Variants in SCHIP1 observed in about 807,000 individuals in gnomAD.
The protein encoded by SCHIP1 is schwannomin interacting protein 1, also known as schwannomin-interacting protein 1.
Under a neutral mutation model 29.7 loss-of-function variants are expected in SCHIP1, and 8 were observed. The ratio of observed to expected loss-of-function variants is 0.27; its 90% CI spans 0.16 to 0.49. The LOEUF (loss-of-function observed/expected upper bound fraction) is 0.49, where lower values mean the gene tolerates loss of function less well. Ranked by LOEUF, SCHIP1 falls within the 20% of genes least tolerant of loss-of-function variation. The pLI, the probability that SCHIP1 is intolerant of heterozygous loss-of-function variation, is 0.99. For synonymous variants in SCHIP1, 76 were observed against 94.9 expected (o/e 0.80, Z 1.16); for missense variants, 193 against 294.6 (o/e 0.66, Z 2.52).
the SCHIP1 span, among the ~76,000 whole-genome samples, chr3:159,607,272 T>C: frequency 1.3e-5 from 2 of 152,344 alleles, no homozygotes; most frequent in East Asian, 3.9e-4. Context: ...CCAATAATTG[T>C]TTACACACCT....
chr3:159,420,324 C>A, the SCHIP1 span, among the ~76,000 whole-genome samples: 1 of 152,132 alleles, frequency 6.6e-6, no homozygotes, highest in Non-Finnish European at 1.5e-5. Context: ...AAAGCGCGAT[C>A]TTTCTGGAAT....
the SCHIP1 span, among the ~76,000 whole-genome samples, chr3:159,450,599 C>T: frequency 1.3e-5 from 2 of 152,020 alleles, no homozygotes; most frequent in Non-Finnish European, 2.9e-5. Flanking sequence ...TTCAGCCCTG[C>T]CCCCAAAGCT....
the SCHIP1 span, among the ~76,000 whole-genome samples, chr3:159,294,530 A>G: frequency 1.5e-3 from 227 of 152,336 alleles, no homozygotes; most frequent in African/African-American, 5.3e-3. Flanking sequence ...AAAACTCTGA[A>G]GTGGCACACC....
At chr3:159,422,500 C>T in the SCHIP1 span, among the ~76,000 whole-genome samples, 1 of 152,064 alleles carries the variant, frequency 6.6e-6, no homozygotes, top group African/African-American at 2.4e-5. Context: ...GCACAGATCC[C>T]AAGCATGCAG....
At chr3:159,297,903 C>A in the SCHIP1 span, among the ~76,000 whole-genome samples, 4 of 151,538 alleles carry the variant, frequency 2.6e-5, no homozygotes, top group African/African-American at 9.8e-5. Context: ...CCATCCCCAC[C>A]CACCAAGCTT....
At chr3:159,401,417 A>G in the SCHIP1 span, 1 of 931,812 alleles carries the variant, frequency 1.1e-6, no homozygotes. Context: ...TTAGATAGTA[A>G]TAAAAATAGC....
chr3:159,422,840 T>C, the SCHIP1 span, among the ~76,000 whole-genome samples: 2 of 152,200 alleles, frequency 1.3e-5, no homozygotes, highest in Admixed American at 1.3e-4. Context: ...TACTTGTCTT[T>C]TCAACACTCA....
chr3:159,381,860 AGT>A, the SCHIP1 span, among the ~76,000 whole-genome samples: 1 of 152,108 alleles, frequency 6.6e-6, no homozygotes, highest in Non-Finnish European at 1.5e-5. Context: ...AGCTTCCCAA[AGT>A]GCTAAGATTA....
the SCHIP1 span, among the ~76,000 whole-genome samples, chr3:159,612,726 G>T: frequency 2.0e-5 from 3 of 152,228 alleles, no homozygotes; most frequent in Non-Finnish European, 4.4e-5. Flanking sequence ...CAGCCTGGGT[G>T]ACAAGAGCGA....
In SCHIP1 at chr3:159,861,382, A is replaced by G. The variant is rs368924295; in HGVS notation, c.31-4781A>G. Among the ~76,000 whole-genome samples the G allele has an allele frequency of 3.0e-4, 45 of 152,354 alleles. No individual in the cohort carries two copies. The South Asian group carries it at 5.8e-3, about 20-fold the overall frequency. ...TGAACATTTTGCTCTTTATTTCATT[A>G]CTGAATGCCCCTCTTTGTTCTTGTC... On this transcript the variant is annotated intron_variant, in intron 1 of 6. Coordinates refer to ENST00000445224, the Ensembl canonical transcript of SCHIP1. This position sits in a 1 kb window ranked among gnomAD's most constrained non-coding sequence, Gnocchi z 4.1.
At chr3:159,754,918 A>G in the SCHIP1 span, among the ~76,000 whole-genome samples, 21 of 152,150 alleles carry the variant, frequency 1.4e-4, no homozygotes, top group Non-Finnish European at 2.9e-4. Flanking sequence ...TGACAAAGAC[A>G]TACCGGAGAT....
At chr3:159,752,030 C>T in the SCHIP1 span, among the ~76,000 whole-genome samples, 1 of 150,936 alleles carries the variant, frequency 6.6e-6, no homozygotes, top group East Asian at 2.0e-4. Flanking sequence ...GTGTGTAGCA[C>T]CCTCCCCCAC....
At chr3:159,714,490 C>T in the SCHIP1 span, among the ~76,000 whole-genome samples, 2 of 152,222 alleles carry the variant, frequency 1.3e-5, no homozygotes, top group Non-Finnish European at 2.9e-5. Flanking sequence ...AATTCCCTTT[C>T]GTAGCTAAGG....
At chr3:159,487,719 A>G in the SCHIP1 span, among the ~76,000 whole-genome samples, 6 of 152,122 alleles carry the variant, frequency 3.9e-5, no homozygotes, top group Non-Finnish European at 7.4e-5. Context: ...CACCTAAGAA[A>G]AGTGTCTATT....
At chr3:159,477,171 AT>A in the SCHIP1 span, among the ~76,000 whole-genome samples, 183 of 152,128 alleles carry the variant, frequency 1.2e-3, no homozygotes, top group Non-Finnish European at 2.3e-3. Flanking sequence ...TATATTCCAC[AT>A]TTTCTTTATT....
chr3:159,635,868 G>T, the SCHIP1 span, among the ~76,000 whole-genome samples: 4 of 152,146 alleles, frequency 2.6e-5, no homozygotes, highest in Non-Finnish European at 5.9e-5. Flanking sequence ...CTCTTTTCTT[G>T]ATAAAAGTTA....
the SCHIP1 span, among the ~76,000 whole-genome samples, chr3:159,743,148 T>C: frequency 1.3e-3 from 192 of 152,372 alleles, 1 homozygote; most frequent in African/African-American, 4.4e-3. Context: ...TCTCCTAGGC[T>C]GAATGGATTC....
the SCHIP1 span, among the ~76,000 whole-genome samples, chr3:159,342,600 T>A: frequency 6.6e-6 from 1 of 152,252 alleles, no homozygotes; most frequent in Non-Finnish European, 1.5e-5. Flanking sequence ...TTAAAGGTTA[T>A]AGAACCGCTT....
chr3:159,718,851 A>G, the SCHIP1 span, among the ~76,000 whole-genome samples: 1 of 152,218 alleles, frequency 6.6e-6, no homozygotes. Flanking sequence ...CAAGCTACCA[A>G]TGAATTTCTT....
Sources: allele counts gnomAD v4.1 joint callset (sites outside exome capture counted in the v4.1 genomes callset), GRCh38; gene constraint gnomAD v4.1.1; non-coding constraint Gnocchi (gnomAD v3.1); transcripts MANE v1.5; gene names NCBI Gene and HGNC (gene_info 2026-07-23, HGNC 2026-07-21).